The following FMN1 variants were observed in gnomAD, a reference collection of about 807,000 sequenced individuals.
The protein encoded by FMN1 is formin-1.
Under a neutral mutation model 132.4 loss-of-function variants are expected in FMN1, and 110 were observed. The ratio of observed to expected loss-of-function variants is 0.83; its 90% CI spans 0.71 to 0.97. The LOEUF (loss-of-function observed/expected upper bound fraction) is 0.97. Ranked by LOEUF, FMN1 falls within the 50% of genes least tolerant of loss-of-function variation. The pLI is 0.00. For synonymous variants in FMN1, 722 were observed against 651.7 expected (o/e 1.11, Z -1.64); for missense variants, 1,792 against 1,705.3 (o/e 1.05, Z -0.90).
intron 7 of FMN1, among the ~76,000 whole-genome samples, chr15:32,969,761 C>A (rs538301758): frequency 1.3e-5 from 2 of 152,308 alleles, no homozygotes; most frequent in South Asian, 4.1e-4. Context: ...CTTAAGAACT[C>A]TTACCCAATT....
intron 6 of FMN1, among the ~76,000 whole-genome samples, chr15:33,038,381 G>A (rs901833196): frequency 1.1e-4 from 16 of 152,124 alleles, no homozygotes; most frequent in African/African-American, 3.9e-4. Flanking sequence ...AGTTTTACAT[G>A]GTTCTTTTTC....
chr15:33,143,419 A>G (rs1251128056), intron 4 of FMN1, among the ~76,000 whole-genome samples: 1 of 152,222 alleles, frequency 6.6e-6, no homozygotes, highest in East Asian at 1.9e-4. Context: ...TCAATAGAAC[A>G]CTTACTGAGT....
intron 4 of FMN1, 126 bp from the exon 5 acceptor site, chr15:33,089,100 T>C (rs2038812160): frequency 2.6e-6 from 2 of 759,360 alleles, no homozygotes. Flanking sequence ...CTAAGTTATA[T>C]TTTTAAGAGA....
chr15:32,904,683 C>T (rs774678246), intron 12 of FMN1, among the ~76,000 whole-genome samples: 12 of 151,844 alleles, frequency 7.9e-5, no homozygotes, highest in Non-Finnish European at 1.5e-4. Flanking sequence ...TTGGGTATAG[C>T]GAAAATACAA....
intron 7 of FMN1, among the ~76,000 whole-genome samples, chr15:32,982,998 TAATA>T (rs752259243): frequency 6.6e-6 from 1 of 152,172 alleles, no homozygotes; most frequent in Non-Finnish European, 1.5e-5. Context: ...ATATTCACAT[TAATA>T]TATATCTATA....
chr15:33,008,055 G>T lies in FMN1; in HGVS notation c.2182C>A (p.His728Asn). ...TEAEYQAAILHLKREHKEEIE... is the reference protein window; with the variant it reads ...TEAEYQAAILNLKREHKEEIE... ...TCTTCTTTGTGCTCCCTCTTCAAGTGTAAAATAGCAGCTTGGTATTCTGTA... is the reference window on the plus strand; with the variant it reads ...TCTTCTTTGTGCTCCCTCTTCAAGTTTAAAATAGCAGCTTGGTATTCTGTA... Residue 728 changes from histidine (H) to asparagine (N), a missense_variant, in exon 7 of 21, where the codon CAC becomes AAC. His to Asn is a moderately conservative substitution (Grantham distance 68, BLOSUM62 1). This residue lies in a region of FMN1 where 1,150 missense variants were observed against 1,043.1 expected (regional missense o/e 1.10). Coordinates refer to ENST00000616417, the MANE Select transcript of FMN1 (RefSeq NM_001277313.2). 1 of 1,599,256 alleles carries T rather than the reference G, an allele frequency of 6.3e-7. No homozygotes were observed. The highest frequency in any genetic ancestry group is 2.2e-5 in the East Asian group (1 of 44,662).
intron 5 of FMN1, among the ~76,000 whole-genome samples, chr15:33,080,575 A>C (rs957723801): frequency 6.6e-6 from 1 of 152,168 alleles, no homozygotes; most frequent in Non-Finnish European, 1.5e-5. Context: ...CAATGTAGTG[A>C]AACTCCATCT....
At chr15:33,115,738 G>A (rs886500837) in intron 4 of FMN1, among the ~76,000 whole-genome samples, 1 of 152,018 alleles carries the variant, frequency 6.6e-6, no homozygotes, top group Admixed American at 6.6e-5. Context: ...CTAAACCTAT[G>A]CTCCGCTCCC....
At chr15:32,829,910 T>G (rs1294544107) in intron 17 of FMN1, among the ~76,000 whole-genome samples, 1 of 152,178 alleles carries the variant, frequency 6.6e-6, no homozygotes, top group African/African-American at 2.4e-5. Context: ...GGGGGACACA[T>G]TTCTCCCACG....
At chr15:32,846,956 G>C (rs974927634) in intron 17 of FMN1, among the ~76,000 whole-genome samples, 2 of 152,098 alleles carry the variant, frequency 1.3e-5, no homozygotes, top group Non-Finnish European at 2.9e-5. Flanking sequence ...AATTCACAAG[G>C]GGCTATACAT....
At chr15:33,068,945 G>A (rs139374617) in intron 5 of FMN1, among the ~76,000 whole-genome samples, 19 of 152,296 alleles carry the variant, frequency 1.2e-4, no homozygotes, top group African/African-American at 4.3e-4. Flanking sequence ...AGAAATCCTG[G>A]CAGCAGCAGG....
intron 11 of FMN1, among the ~76,000 whole-genome samples, chr15:32,909,546 A>G (rs1452160061): frequency 6.6e-6 from 1 of 152,224 alleles, no homozygotes; most frequent in Non-Finnish European, 1.5e-5. Context: ...AATCTTCTGT[A>G]AGAAACTTAA....
At chr15:33,069,993 C>CTTTTTTTT (rs1171369156) in intron 5 of FMN1, among the ~76,000 whole-genome samples, 21 of 74,320 alleles carry the variant, frequency 2.8e-4, no homozygotes, top group Non-Finnish European at 4.2e-4. Flanking sequence ...CAGTCTTTCT[C>CTTTTTTTT]TTTTTTTTTT....
At chr15:32,866,260 T>G (rs78837565) in intron 16 of FMN1, among the ~76,000 whole-genome samples, 4,889 of 152,062 alleles carry the variant, frequency 0.032, 111 homozygotes, top group Non-Finnish European at 0.051. Context: ...AAATTTCCCC[T>G]TTGAACTACT....
Position 32,902,180 on chromosome 15 carries a change from A to C in FMN1, c.3378-140T>G, listed in dbSNP as rs999918941. On this transcript the variant is annotated intron_variant, in intron 12 of 20. Transcript: ENST00000616417. Reference sequence around the variant, plus strand: ...TAAAAGGTGTCACATAGGTAGACTCAAGGAATTCCAAGGGCATGGTTTCCA... The same window carrying C: ...TAAAAGGTGTCACATAGGTAGACTCCAGGAATTCCAAGGGCATGGTTTCCA... 24 of 668,194 alleles carry C rather than the reference A, an allele frequency of 3.6e-5. No homozygotes were observed. In the African/African-American group the frequency reaches 3.7e-4, roughly 10 times the overall value. 41.4% of individuals were successfully genotyped at this position (668,194 alleles called of 1,614,324 possible). A position where few individuals can be genotyped will look rare whatever the true frequency, so the allele number is the denominator to read the frequency against.
intron 4 of FMN1, among the ~76,000 whole-genome samples, chr15:33,114,450 T>C (rs1032961306): frequency 2.6e-5 from 4 of 152,258 alleles, no homozygotes; most frequent in Admixed American, 1.3e-4. Flanking sequence ...GTGTTGAACA[T>C]GGAATGTGTG....
intron 17 of FMN1, 101 bp from the exon 18 acceptor site, chr15:32,804,433 AATTCGGGGGGGGG>A: frequency 2.4e-5 from 1 of 40,978 alleles, no homozygotes; most frequent in Non-Finnish European, 4.1e-5. Context: ...AGGAGGTCTG[AATTCGGGGGGGGG>A]GGGGGGGGGT....
chr15:32,991,485 G>A (rs186335319), intron 7 of FMN1, among the ~76,000 whole-genome samples: 32 of 152,222 alleles, frequency 2.1e-4, no homozygotes, highest in African/African-American at 7.2e-4. Context: ...CTGGACCATC[G>A]AAAATCACAA....
At chr15:32,950,431 C>A (rs1457403256) in intron 9 of FMN1, among the ~76,000 whole-genome samples, 1 of 152,038 alleles carries the variant, frequency 6.6e-6, no homozygotes, top group African/African-American at 2.4e-5. Flanking sequence ...GACATGGAAT[C>A]AACCTATAGA....
Sources: gnomAD v4.1 joint callset for allele counts (sites outside exome capture counted in the v4.1 genomes callset) on GRCh38, gnomAD v4.1.1 for gene constraint, gnomAD v4.1.1 regional missense constraint, MANE v1.5 for transcripts, NCBI Gene and HGNC (gene_info 2026-07-23, HGNC 2026-07-21) for gene names.